Variants in IQCH observed in about 807,000 individuals in gnomAD.
IQCH encodes the protein IQ domain-containing protein H.
IQCH carries 98 observed loss-of-function variants against 117.0 expected under a neutral mutation model. That is an observed-to-expected ratio of 0.84 (90% confidence interval 0.71 to 0.99). The LOEUF is 0.99. IQCH is among the 50% of genes least tolerant of loss of function. The pLI is 0.00. For synonymous variants in IQCH, 412 were observed against 448.2 expected (o/e 0.92, Z 1.02); for missense variants, 1,102 against 1,243.8 (o/e 0.89, Z 1.72).
At chr15:67,421,971 C>T (rs1257633883) in intron 16 of IQCH, among the ~76,000 whole-genome samples, 2 of 152,062 alleles carry the variant, frequency 1.3e-5, no homozygotes, top group African/African-American at 2.4e-5. Context: ...TGGTGGCATG[C>T]ACCTGTAATT....
Position 67,465,054 on chromosome 15 carries a change from G to A in IQCH, c.2506-73G>A, listed in dbSNP as rs546355226. 8.0e-5 allele frequency: 118 copies of A among 1,479,676 alleles called. No individual in the cohort carries two copies. Among genetic ancestry groups the A allele is most frequent in the Non-Finnish European group, 1.0e-4 (110 of 1,073,732 alleles). 91.7% of individuals were successfully genotyped at this position (1,479,676 alleles called of 1,614,324 possible). A position where few individuals can be genotyped will look rare whatever the true frequency, so the allele number is the denominator to read the frequency against. On this transcript the variant is annotated intron_variant, in intron 16 of 20. Coordinates refer to ENST00000335894, the MANE Select transcript of IQCH (RefSeq NM_001031715.3). This position sits in a 1 kb window ranked among gnomAD's most constrained non-coding sequence, Gnocchi z 5.9. Reference sequence around the variant, plus strand: ...ACTTAGTCTGATGTAGTTTGGTCTGGTTAGGCAGAGGTGGGGCCTTCGCTG... The same window carrying A: ...ACTTAGTCTGATGTAGTTTGGTCTGATTAGGCAGAGGTGGGGCCTTCGCTG...
At chr15:67,301,301 A>G (rs1248178519) in intron 4 of IQCH, among the ~76,000 whole-genome samples, 4 of 151,794 alleles carry the variant, frequency 2.6e-5, no homozygotes, top group Non-Finnish European at 5.9e-5. Context: ...AGCTATGCTT[A>G]TAAGTATTTT....
At chr15:67,361,742 A>G (rs58935980) in intron 8 of IQCH, among the ~76,000 whole-genome samples, 1,586 of 152,306 alleles carry the variant, frequency 0.01, 26 homozygotes, top group African/African-American at 0.037. Context: ...AAGAAGTTGA[A>G]TAAGTTTAAG....
intron 16 of IQCH, among the ~76,000 whole-genome samples, chr15:67,442,392 A>G (rs1238675217): frequency 6.6e-6 from 1 of 152,088 alleles, no homozygotes; most frequent in Non-Finnish European, 1.5e-5. Context: ...CGTGGGCAAC[A>G]GGAGCGAAAC....
intron 20 of IQCH, among the ~76,000 whole-genome samples, chr15:67,499,710 C>T (rs1032933140): frequency 6.6e-6 from 1 of 151,892 alleles, no homozygotes; most frequent in South Asian, 2.1e-4. Flanking sequence ...AAGTGTCCAT[C>T]GACTAAGAAA....
intron 4 of IQCH, among the ~76,000 whole-genome samples, chr15:67,327,235 T>G (rs2140625008): frequency 6.6e-6 from 1 of 152,302 alleles, no homozygotes; most frequent in Middle Eastern, 3.4e-3. Flanking sequence ...ATATGATTTC[T>G]TTTTTCAATT....
intron 3 of IQCH, among the ~76,000 whole-genome samples, chr15:67,271,754 G>T (rs1012758285): frequency 1.3e-5 from 2 of 152,006 alleles, no homozygotes; most frequent in Non-Finnish European, 2.9e-5. Flanking sequence ...TATTTCTGTG[G>T]TCTCAATTGT....
chr15:67,400,498 T>TTTTTTTTTTTTTTTTTTTTC (rs1555481906), intron 14 of IQCH, among the ~76,000 whole-genome samples, 193 bp downstream of exon 14: 1 of 137,300 alleles, frequency 7.3e-6, no homozygotes, highest in East Asian at 2.2e-4. Context: ...TTTCTTTTTT[T>TTTTTTTTTTTTTTTTTTTTC]TTTTGAGATG....
intron 4 of IQCH, among the ~76,000 whole-genome samples, chr15:67,321,484 TTCTTTTTC>T (rs1335961050): frequency 1.3e-5 from 2 of 151,368 alleles, no homozygotes; most frequent in Non-Finnish European, 3.0e-5. Context: ...CTTTCTTTCT[TTCTTTTTC>T]TTTCTTTTTT....
chr15:67,389,224 G>T (rs1971203324), intron 12 of IQCH, among the ~76,000 whole-genome samples: 1 of 152,184 alleles, frequency 6.6e-6, no homozygotes, highest in South Asian at 2.1e-4. Context: ...TGTAGTTGTA[G>T]CCTAATTCCA....
intron 1 of IQCH, among the ~76,000 whole-genome samples, chr15:67,258,234 CAA>C (rs550150022): frequency 3.0e-4 from 24 of 79,452 alleles, no homozygotes; most frequent in Admixed American, 4.2e-4. Flanking sequence ...GACTCTGTGT[CAA>C]AAAAAAAAAA....
At chr15:67,314,982 G>T (rs4641686) in intron 4 of IQCH, among the ~76,000 whole-genome samples, 68,792 of 151,966 alleles carry the variant, frequency 0.45, 16,048 homozygotes, top group Non-Finnish European at 0.52. Flanking sequence ...CAGCTGGCTG[G>T]CAACTTAGAG....
Position 67,421,294 on chromosome 15 carries a change from G to A in IQCH, c.2222G>A (p.Gly741Asp). ...TACTCCATGTTTTTCCCACCAGGGG[G>A]TGTGATCGAAGCATTCCCACCTGCA... ...KFLQTFLSQG[G>D]VIEAFPPADN... is the part of the protein sequence containing the mutation. The change falls in exon 16 of 21, where the codon GGT becomes GAT. Residue 741 changes from glycine (G) to aspartate (D), a missense_variant. This residue lies in a region of IQCH where 650 missense variants were observed against 794.3 expected (regional missense o/e 0.82). Transcript: ENST00000335894. 1.9e-6 allele frequency: 3 copies of A among 1,613,022 alleles called. No homozygotes were observed. The highest frequency in any genetic ancestry group is 2.5e-6 in the Non-Finnish European group (3 of 1,179,202).
At chr15:67,328,845 G>A (rs1019240752) in intron 4 of IQCH, among the ~76,000 whole-genome samples, 10 of 152,216 alleles carry the variant, frequency 6.6e-5, no homozygotes, top group African/African-American at 2.2e-4. Context: ...ACAATAGGTG[G>A]CAATAGAATT....
In IQCH at chr15:67,484,951, G is replaced by A. The variant is rs550838768; in HGVS notation, c.2800-5052G>A. On this transcript the variant is annotated intron_variant, in intron 18 of 20. Coordinates refer to ENST00000335894, the MANE Select transcript of IQCH (RefSeq NM_001031715.3). ...GGACCAAATCATTGAAAACAAAGGGGAAAAAAAGAAAAAGATCCACAGGTG... is the reference window on the plus strand; with the variant it reads ...GGACCAAATCATTGAAAACAAAGGGAAAAAAAAGAAAAAGATCCACAGGTG... Among the ~76,000 whole-genome samples the A allele has an allele frequency of 3.6e-3, 538 of 151,376 alleles. 9 individuals carry two copies. Among genetic ancestry groups the A allele is most frequent in the African/African-American group, 0.012 (511 of 41,284 alleles).
At chr15:67,271,572 T>C (rs892353123) in intron 3 of IQCH, among the ~76,000 whole-genome samples, 13 of 152,218 alleles carry the variant, frequency 8.5e-5, no homozygotes, top group African/African-American at 3.1e-4. Context: ...GGAAACTTTT[T>C]GTCATGGCTT....
intron 17 of IQCH, among the ~76,000 whole-genome samples, chr15:67,470,368 CG>C (rs1321315251): frequency 6.6e-6 from 1 of 152,066 alleles, no homozygotes; most frequent in Admixed American, 6.6e-5. Context: ...TTAGTAGAGA[CG>C]GGGTTTCACC....
intron 8 of IQCH, among the ~76,000 whole-genome samples, chr15:67,367,945 G>C (rs1970393546): frequency 6.6e-6 from 1 of 152,006 alleles, no homozygotes; most frequent in Non-Finnish European, 1.5e-5. Flanking sequence ...TGTGATCTTG[G>C]GCAAGTCATT....
chr15:67,306,814 C>G (rs559474498), intron 4 of IQCH: 1 of 1,523,692 alleles, frequency 6.6e-7, no homozygotes, highest in East Asian at 2.5e-5. Context: ...AACCTTCTAA[C>G]ATTTTTTCTA....
Sources: gnomAD v4.1 joint callset for allele counts (sites outside exome capture counted in the v4.1 genomes callset) on GRCh38, gnomAD v4.1.1 for gene constraint, gnomAD v4.1.1 regional missense constraint, Gnocchi (gnomAD v3.1) non-coding constraint, MANE v1.5 for transcripts, NCBI Gene and HGNC (gene_info 2026-07-23, HGNC 2026-07-21) for gene names.